The following CLTC variants were observed in gnomAD, a reference collection of about 807,000 sequenced individuals.
CLTC encodes clathrin heavy chain.
A neutral mutation model predicts 195.8 loss-of-function variants in CLTC; 16 were observed. That is an observed-to-expected ratio of 0.08 (90% CI 0.06 to 0.12). CLTC has a LOEUF of 0.12. Among genes scored for constraint, CLTC ranks in the 10% least tolerant of loss-of-function variants. The pLI, the probability that CLTC is intolerant of heterozygous loss-of-function variation, is 1.00. For missense variants in CLTC, 796 were observed against 2,027.0 expected, an observed-to-expected ratio of 0.39 and a Z score of 11.66; for synonymous variants, 667 against 689.4, an observed-to-expected ratio of 0.97 and a Z score of 0.51.
At chr17:59,674,641 TAAAA>T in intron 15 of CLTC, 56 bp from the exon 16 acceptor site, 3 of 1,464,096 alleles carry the variant, frequency 2.0e-6, no homozygotes, top group Admixed American at 2.4e-5. Flanking sequence ...AATGCTTTTT[TAAAA>T]TTCCTCTTTG....
chr17:59,626,486 T>A (rs919224355), intron 1 of CLTC, among the ~76,000 whole-genome samples: 1 of 152,192 alleles, frequency 6.6e-6, no homozygotes, highest in Non-Finnish European at 1.5e-5. Flanking sequence ...AAAATACCCA[T>A]ATGGAATGCC....
At chr17:59,691,643 A>G (rs935463964) in intron 31 of CLTC, among the ~76,000 whole-genome samples, 3 of 147,612 alleles carry the variant, frequency 2.0e-5, no homozygotes, top group Non-Finnish European at 3.0e-5. Context: ...ATATATATAT[A>G]TATATACATA....
At chr17:59,647,357 TTACTC>T (rs1567942983) in intron 2 of CLTC, 36 bp from the exon 3 acceptor site, 3 of 1,526,394 alleles carry the variant, frequency 2.0e-6, no homozygotes, top group Non-Finnish European at 2.7e-6. Context: ...ATTCTAAACT[TTACTC>T]TTTTAATGAT....
In CLTC at chr17:59,620,073, G is replaced by T. The variant is rs1317257452; in HGVS notation, c.-59G>T. Reference sequence around the variant, plus strand: ...TCTCCTCCTCTCCCTTGGAGAGCCCGGGCAGCCACTGCCCCGCAGCCCCAG... The same window carrying T: ...TCTCCTCCTCTCCCTTGGAGAGCCCTGGCAGCCACTGCCCCGCAGCCCCAG... On this transcript the variant is annotated 5_prime_UTR_variant, in exon 1 of 32. Transcript: ENST00000269122. 6.4e-7 allele frequency: 1 copy of T among 1,554,944 alleles called. No homozygotes were observed. The highest frequency in any genetic ancestry group is 8.9e-7 in the Non-Finnish European group (1 of 1,127,478).
chr17:59,686,864 CCTTT>C, intron 30 of CLTC: 1 of 339,182 alleles, frequency 2.9e-6, no homozygotes. Context: ...TCCAGTATGC[CCTTT>C]ATTTTCACTT....
chr17:59,656,666 ATTTTTTTT>A (rs55669818), intron 6 of CLTC, among the ~76,000 whole-genome samples: 1,241 of 96,234 alleles, frequency 0.013, 14 homozygotes, highest in African/African-American at 0.025. Flanking sequence ...TATTATTTTA[ATTTTTTTT>A]TTTTTTTTTT....
chr17:59,643,911 C>T (rs1263926136), intron 1 of CLTC, among the ~76,000 whole-genome samples: 1 of 152,126 alleles, frequency 6.6e-6, no homozygotes, highest in East Asian at 1.9e-4. Context: ...GAACAAATAA[C>T]TGCTACATGT....
intron 1 of CLTC, among the ~76,000 whole-genome samples, chr17:59,627,454 A>G (rs937691490): frequency 1.1e-4 from 17 of 152,240 alleles, no homozygotes; most frequent in Non-Finnish European, 2.5e-4. Context: ...GTGAGCAGTC[A>G]GACTTTTAAT....
chr17:59,636,916 C>G (rs186508286), intron 1 of CLTC, among the ~76,000 whole-genome samples: 1 of 151,188 alleles, frequency 6.6e-6, no homozygotes, highest in Non-Finnish European at 1.5e-5. Context: ...GTGCCCACCA[C>G]CATGCCCGGC....
Position 59,685,295 on chromosome 17 carries a change from C to G in CLTC, c.4605+69C>G. 1 of 1,395,264 alleles carries G rather than the reference C, an allele frequency of 7.2e-7. No homozygotes were observed. The highest frequency in any genetic ancestry group is 9.6e-7 in the Non-Finnish European group (1 of 1,036,460). 86.4% of individuals were successfully genotyped at this position (1,395,264 alleles called of 1,614,324 possible). ...AAATGGTGTTACAAGTGATTATAAT[C>G]TATAAATAAAAGTATTGGTTTTGTG... On this transcript the variant is annotated intron_variant, in intron 29 of 31. Transcript: ENST00000269122. The surrounding 1 kb of genome is among the most constrained non-coding windows in gnomAD (Gnocchi z 5.0).
At chr17:59,653,833 C>G (rs891902090) in intron 5 of CLTC, among the ~76,000 whole-genome samples, 1 of 150,708 alleles carries the variant, frequency 6.6e-6, no homozygotes, top group African/African-American at 2.5e-5. Context: ...AGTGCAGTGG[C>G]GCAATCTCAG....
chr17:59,694,362 A>G lies in CLTC; in HGVS notation c.*510A>G, dbSNP rs1012371575. On this transcript the variant is annotated 3_prime_UTR_variant, in exon 32 of 32. Transcript: ENST00000269122. ...GACAACACTAATCAGCACATCGTACACTGGATTGCAGTGCTTCCCAGATTA... is the reference window on the plus strand; with the variant it reads ...GACAACACTAATCAGCACATCGTACGCTGGATTGCAGTGCTTCCCAGATTA... The G allele has an allele frequency of 4.5e-6, 1 of 224,158 alleles. No individual in the cohort carries two copies. The highest frequency in any genetic ancestry group is 2.2e-5 in the African/African-American group (1 of 44,788). 13.9% of individuals were successfully genotyped at this position (224,158 alleles called of 1,614,324 possible).
At chr17:59,631,537 G>A (rs893964328) in intron 1 of CLTC, among the ~76,000 whole-genome samples, 5 of 152,342 alleles carry the variant, frequency 3.3e-5, no homozygotes, top group South Asian at 4.1e-4. Flanking sequence ...GGAACAGAAA[G>A]ACCTATGGAG....
At chr17:59,657,784 A>G (rs576633575) in intron 6 of CLTC, among the ~76,000 whole-genome samples, 20 of 151,292 alleles carry the variant, frequency 1.3e-4, no homozygotes, top group Non-Finnish European at 2.2e-4. Context: ...AAAAAAAAAA[A>G]GAAGGAAAAT....
chr17:59,656,863 G>T (rs974215915), intron 6 of CLTC, among the ~76,000 whole-genome samples: 1 of 151,454 alleles, frequency 6.6e-6, no homozygotes, highest in Non-Finnish European at 1.5e-5. Flanking sequence ...TAGTAGAGGC[G>T]GGCTTTCACC....
Position 59,683,280 on chromosome 17 carries a change from C to T in CLTC, c.4041+18C>T, listed in dbSNP as rs1191145503. ...TTCCCAAGGTAACCAGTCATTGTAA[C>T]ACAGTGAAGCAACTGTGTAGTTAAA... On this transcript the variant is annotated intron_variant, in intron 25 of 31. Transcript: ENST00000269122. This position sits in a 1 kb window ranked among gnomAD's most constrained non-coding sequence, Gnocchi z 6.1. 1 of 1,611,698 alleles carries T rather than the reference C, an allele frequency of 6.2e-7. No homozygotes were observed. The highest frequency in any genetic ancestry group is 1.3e-5 in the African/African-American group (1 of 74,816).
At chr17:59,627,129 G>A (rs2031577052) in intron 1 of CLTC, among the ~76,000 whole-genome samples, 1 of 152,034 alleles carries the variant, frequency 6.6e-6, no homozygotes, top group African/African-American at 2.4e-5. Context: ...TCAAAATCCC[G>A]GGCTCAAGCA....
In CLTC at chr17:59,685,914, T is replaced by C; in HGVS notation, c.4827+106T>C. 1 of 862,508 alleles carries C rather than the reference T, an allele frequency of 1.2e-6. No individual in the cohort carries two copies. The highest frequency in any genetic ancestry group is 1.8e-6 in the Non-Finnish European group (1 of 568,928). 53.4% of individuals were successfully genotyped at this position (862,508 alleles called of 1,614,324 possible). The stretch of plus-strand genomic sequence containing the variant: ...TTTTTCTTTAGTAGAAGTAAGTCAT[T>C]TAGTCGATCATAAAATATTCCTGTT... On this transcript the variant is annotated intron_variant, in intron 30 of 31. Transcript: ENST00000269122. The surrounding 1 kb of genome is among the most constrained non-coding windows in gnomAD (Gnocchi z 5.0).
intron 8 of CLTC, among the ~76,000 whole-genome samples, chr17:59,662,509 T>G (rs1056117696): frequency 6.6e-6 from 1 of 152,232 alleles, no homozygotes; most frequent in Non-Finnish European, 1.5e-5. Context: ...TCCTCAAAGT[T>G]GTAGTATGGA....
Sources: allele counts gnomAD v4.1 joint callset (sites outside exome capture counted in the v4.1 genomes callset), GRCh38; gene constraint gnomAD v4.1.1; non-coding constraint Gnocchi (gnomAD v3.1); transcripts MANE v1.5; gene names NCBI Gene and HGNC (gene_info 2026-07-23, HGNC 2026-07-21).